Variants in CMSS1 observed in about 807,000 individuals in gnomAD.
CMSS1 encodes cms1 ribosomal small subunit homolog.
Under a neutral mutation model 43.5 loss-of-function variants are expected in CMSS1, and 33 were observed. The ratio of observed to expected loss-of-function variants is 0.76; its 90% confidence interval spans 0.57 to 1.01. The LOEUF (loss-of-function observed/expected upper bound fraction) is 1.01. CMSS1 is among the 50% of genes least tolerant of loss of function. The probability of loss-of-function intolerance (pLI) is 0.00; values close to 1 mark genes in which losing one functional copy is unlikely to be tolerated. For synonymous variants in CMSS1, 115 were observed against 117.2 expected (o/e 0.98, Z 0.12); for missense variants, 313 against 326.4 (o/e 0.96, Z 0.32).
At chr3:100,040,451 G>A (rs1296703955) in intron 1 of CMSS1, 1 of 152,128 alleles carries the variant, frequency 6.6e-6, no homozygotes, top group African/African-American at 2.4e-5. Context: ...CGTGGTTTTA[G>A]AAACAGTTTA....
rs1189710613 is a variant in CMSS1 at position 100,160,530 on chromosome 3, T to C, written c.225+29T>C. ...ATATTAATAATTTCTTAAATTTGTATGGCCCCACATGGTTTCCATCACATT... is the reference window on the plus strand; with the variant it reads ...ATATTAATAATTTCTTAAATTTGTACGGCCCCACATGGTTTCCATCACATT... On this transcript the variant is annotated intron_variant, in intron 3 of 9. Transcript: ENST00000421999. The C allele has an allele frequency of 3.8e-6, 4 of 1,061,260 alleles. No homozygotes were observed. The East Asian group carries it at 7.4e-5, about 20-fold the overall frequency. 65.7% of individuals were successfully genotyped at this position (1,061,260 alleles called of 1,614,324 possible). A position where few individuals can be genotyped will look rare whatever the true frequency, so the allele number is the denominator to read the frequency against.
intron 8 of CMSS1, 27 bp from the exon 9 acceptor site, chr3:100,176,299 AC>A (rs1367147786): frequency 8.1e-6 from 12 of 1,485,216 alleles, no homozygotes; most frequent in African/African-American, 1.4e-5. Flanking sequence ...GGTCTTTACT[AC>A]AGCAACTCTC....
chr3:100,068,739 T>G (rs2065710285), intron 1 of CMSS1, among the ~76,000 whole-genome samples: 1 of 152,230 alleles, frequency 6.6e-6, no homozygotes. Flanking sequence ...GCGATTTTCC[T>G]GCCTCAGCCT....
chr3:100,162,544 A>C, intron 4 of CMSS1, 112 bp downstream of exon 4: 5 of 1,169,218 alleles, frequency 4.3e-6, no homozygotes, highest in Non-Finnish European at 4.8e-6. Flanking sequence ...ATGGTGGCTC[A>C]TGCCTATAAT....
At position 99,914,597 on chromosome 3, in the gene CMSS1, T is replaced by C. The variant is rs377191787; in HGVS notation, c.64+96554T>C. Among the ~76,000 whole-genome samples, 9 of 152,296 alleles carry C rather than the reference T, an allele frequency of 5.9e-5. No homozygotes were observed. In the South Asian group the frequency reaches 1.9e-3, roughly 32 times the overall value. On this transcript the variant is annotated intron_variant, in intron 1 of 9. Transcript: ENST00000421999. ...TCAGGTAAAGTTATAAAGTAAGAAA[T>C]TGGTTCTCTTCTTCATTGTTAGTAA...
intron 1 of CMSS1, among the ~76,000 whole-genome samples, chr3:99,965,599 G>A (rs1012754638): frequency 6.6e-6 from 1 of 152,174 alleles, no homozygotes; most frequent in Non-Finnish European, 1.5e-5. Flanking sequence ...ACCATGTATG[G>A]CCAGTGCACC....
At chr3:100,090,252 A>C (rs1338330837) in intron 1 of CMSS1, among the ~76,000 whole-genome samples, 1 of 152,192 alleles carries the variant, frequency 6.6e-6, no homozygotes, top group Non-Finnish European at 1.5e-5. Flanking sequence ...GTTTTCTTCA[A>C]GATTCAAATT....
rs1235527812 is a variant in CMSS1 at position 99,909,650 on chromosome 3, T to A, written c.64+91607T>A. Among the ~76,000 whole-genome samples, 11 of 152,314 alleles carry A rather than the reference T, an allele frequency of 7.2e-5. No individual in the cohort carries two copies. In the South Asian group the frequency reaches 1.2e-3, roughly 17 times the overall value. ...TAATAATACTGCTAATAATAGGGTA[T>A]CAAGTGTGTCATGTTTTTCATCATA... is the stretch of plus-strand genomic sequence containing the variant. On this transcript the variant is annotated intron_variant, in intron 1 of 9. Transcript: ENST00000421999.
At chr3:99,956,765 T>C (rs1275265961) in intron 1 of CMSS1, among the ~76,000 whole-genome samples, 2 of 152,198 alleles carry the variant, frequency 1.3e-5, no homozygotes, top group Non-Finnish European at 2.9e-5. Flanking sequence ...CACAACTTTA[T>C]AACACGCCCA....
chr3:100,115,571 C>CTCTG (rs1342548908), intron 1 of CMSS1, among the ~76,000 whole-genome samples: 1 of 118,372 alleles, frequency 8.4e-6, no homozygotes, highest in Non-Finnish European at 1.7e-5. Flanking sequence ...CTCTCTCTCT[C>CTCTG]TCTGTCTCTC....
intron 1 of CMSS1, among the ~76,000 whole-genome samples, chr3:100,026,272 A>G (rs1489752362): frequency 3.7e-4 from 56 of 152,004 alleles, no homozygotes; most frequent in Non-Finnish European, 1.5e-5. Context: ...TTTATGTTAT[A>G]TTTTTGCTGC....
intron 1 of CMSS1, among the ~76,000 whole-genome samples, chr3:100,006,469 A>T (rs1034915940): frequency 2.0e-5 from 3 of 152,020 alleles, no homozygotes; most frequent in Non-Finnish European, 4.4e-5. Context: ...AGTGCTTTTC[A>T]TGAGGTTATC....
intron 1 of CMSS1, among the ~76,000 whole-genome samples, chr3:99,980,074 G>A (rs1380649532): frequency 6.6e-6 from 1 of 152,154 alleles, no homozygotes; most frequent in Admixed American, 6.5e-5. Flanking sequence ...GGAAATTAGA[G>A]GGTGTGCCTT....
chr3:99,941,449 AG>A (rs1707848026), intron 1 of CMSS1, among the ~76,000 whole-genome samples: 1 of 152,208 alleles, frequency 6.6e-6, no homozygotes, highest in Non-Finnish European at 1.5e-5. Flanking sequence ...AGAATGAAAA[AG>A]GGTTCCCAGG....
intron 1 of CMSS1, among the ~76,000 whole-genome samples, chr3:100,053,112 C>A (rs1197944671): frequency 6.6e-6 from 1 of 152,164 alleles, no homozygotes. Context: ...ATCTCTTAAA[C>A]CCTATATATT....
chr3:99,894,622 G>A (rs1706190084), intron 1 of CMSS1, among the ~76,000 whole-genome samples: 1 of 152,172 alleles, frequency 6.6e-6, no homozygotes, highest in South Asian at 2.1e-4. Context: ...TTTTTTAAAT[G>A]TAGGAAGTTT....
chr3:100,098,562 T>C (rs2066251222), intron 1 of CMSS1, among the ~76,000 whole-genome samples: 2 of 152,254 alleles, frequency 1.3e-5, no homozygotes, highest in Non-Finnish European at 2.9e-5. Context: ...TTATTCATAA[T>C]TGAACTTCGG....
chr3:100,148,970 G>A (rs749560935), intron 2 of CMSS1, among the ~76,000 whole-genome samples: 1 of 151,872 alleles, frequency 6.6e-6, no homozygotes, highest in African/African-American at 2.4e-5. Context: ...CTCAAGGTGG[G>A]GTTTAATTTT....
intron 1 of CMSS1, among the ~76,000 whole-genome samples, chr3:100,034,324 C>A (rs2065071162): frequency 5.3e-5 from 8 of 152,146 alleles, no homozygotes; most frequent in Admixed American, 5.2e-4. Context: ...ACACTCATGG[C>A]AGCAGTAAGA....
Sources: gnomAD v4.1 joint callset for allele counts (sites outside exome capture counted in the v4.1 genomes callset) on GRCh38, gnomAD v4.1.1 for gene constraint, MANE v1.5 for transcripts, NCBI Gene and HGNC (gene_info 2026-07-23, HGNC 2026-07-21) for gene names.